The following TCEA1 variants were observed in gnomAD, a reference collection of about 807,000 sequenced individuals.
TCEA1 encodes transcription elongation factor A1.
A neutral mutation model predicts 43.8 loss-of-function variants in TCEA1; 21 were observed. The ratio of observed to expected loss-of-function variants is 0.48; its 90% CI spans 0.34 to 0.69. TCEA1 has a LOEUF of 0.69. TCEA1 is among the 30% of genes least tolerant of loss of function. The pLI, the probability that TCEA1 is intolerant of heterozygous loss-of-function variation, is 0.01. For missense variants in TCEA1, 250 were observed against 365.1 expected, an observed-to-expected ratio of 0.68 and a Z score of 2.57; for synonymous variants, 104 against 117.5, an observed-to-expected ratio of 0.88 and a Z score of 0.75.
intron 7 of TCEA1, among the ~76,000 whole-genome samples, chr8:53,982,193 C>T (rs1174786140): frequency 6.6e-6 from 1 of 151,920 alleles, no homozygotes. Flanking sequence ...TCCTAGATGC[C>T]ATTAGGAACA....
intron 2 of TCEA1, among the ~76,000 whole-genome samples, chr8:54,006,573 TA>T (rs1804468409): frequency 6.6e-6 from 1 of 152,206 alleles, no homozygotes; most frequent in Non-Finnish European, 1.5e-5. Context: ...TCATAAATAT[TA>T]ACCCTATCCA....
At chr8:53,985,897 C>T (rs942451700) in intron 6 of TCEA1, among the ~76,000 whole-genome samples, 3 of 152,218 alleles carry the variant, frequency 2.0e-5, no homozygotes, top group Non-Finnish European at 2.9e-5. Flanking sequence ...ACACTACAGT[C>T]TCAATCTACA....
chr8:54,022,209 C>T lies in TCEA1; in HGVS notation c.-84G>A, dbSNP rs1037886264. 30 of 1,457,508 alleles carry T rather than the reference C, an allele frequency of 2.1e-5. No individual in the cohort carries two copies. The highest frequency in any genetic ancestry group is 2.7e-5 in the Non-Finnish European group (28 of 1,049,568). 90.3% of individuals were successfully genotyped at this position (1,457,508 alleles called of 1,614,324 possible). ...GAGCGGAAGACACAGCAGGAGCGAC[C>T]CCCGGCGCGCAGCAACCCCCACCAC... On this transcript the variant is annotated 5_prime_UTR_variant, in exon 1 of 10. Coordinates refer to ENST00000521604, the MANE Select transcript of TCEA1 (RefSeq NM_006756.4).
chr8:53,979,013 A>C lies in TCEA1; in HGVS notation c.825+12T>G. On this transcript the variant is annotated intron_variant, in intron 8 of 9. Coordinates refer to ENST00000521604, the MANE Select transcript of TCEA1 (RefSeq NM_006756.4). ...TTTATATAAAAATAAGAATCTATAA[A>C]CAATCACAAACCTGTGTGTAAGTGC... 6.3e-7 allele frequency: 1 copy of C among 1,593,946 alleles called. No individual in the cohort carries two copies. Among genetic ancestry groups the C allele is most frequent in the South Asian group, 1.1e-5 (1 of 87,884 alleles).
chr8:54,018,856 T>C (rs1405771362), intron 1 of TCEA1, among the ~76,000 whole-genome samples: 1 of 152,188 alleles, frequency 6.6e-6, no homozygotes, highest in Non-Finnish European at 1.5e-5. Context: ...ATTGTATCCA[T>C]GCATGGTTCA....
intron 2 of TCEA1, among the ~76,000 whole-genome samples, 185 bp from the exon 3 acceptor site, chr8:54,000,235 C>G (rs1183793153): frequency 6.6e-6 from 1 of 152,140 alleles, no homozygotes; most frequent in Non-Finnish European, 1.5e-5. Flanking sequence ...ACACTAGACT[C>G]ATTAATGTTC....
chr8:54,006,506 G>C (rs1225132016), intron 2 of TCEA1, among the ~76,000 whole-genome samples: 3 of 152,090 alleles, frequency 2.0e-5, no homozygotes, highest in Admixed American at 6.6e-5. Context: ...TCGAATGTTT[G>C]TTATATAAAT....
chr8:53,974,676 C>T (rs532223007), intron 8 of TCEA1, among the ~76,000 whole-genome samples: 3 of 152,088 alleles, frequency 2.0e-5, no homozygotes, highest in Admixed American at 6.6e-5. Context: ...TACAGGCAAG[C>T]GCCAACACGC....
At chr8:53,969,616 G>A (rs146180191) in intron 9 of TCEA1, among the ~76,000 whole-genome samples, 352 of 152,050 alleles carry the variant, frequency 2.3e-3, no homozygotes, top group African/African-American at 8.1e-3. Flanking sequence ...ATCACAATCC[G>A]AAATGTAGGT....
chr8:54,018,198 C>T (rs1310103652), intron 1 of TCEA1, among the ~76,000 whole-genome samples: 6 of 152,148 alleles, frequency 3.9e-5, no homozygotes, highest in Non-Finnish European at 8.8e-5. Flanking sequence ...CCAGCTCCTA[C>T]GAAATTCTAA....
At chr8:54,009,251 T>C (rs1461719728) in intron 2 of TCEA1, among the ~76,000 whole-genome samples, 1 of 151,696 alleles carries the variant, frequency 6.6e-6, no homozygotes, top group Non-Finnish European at 1.5e-5. Flanking sequence ...GCACAGCCAC[T>C]GTATAAAACA....
intron 1 of TCEA1, among the ~76,000 whole-genome samples, chr8:54,012,465 C>T (rs1393685278): frequency 6.6e-6 from 1 of 152,122 alleles, no homozygotes; most frequent in Non-Finnish European, 1.5e-5. Flanking sequence ...GAGACTGAGG[C>T]AGAGAGCTGC....
intron 1 of TCEA1, among the ~76,000 whole-genome samples, chr8:54,015,035 TA>T (rs541633113): frequency 3.3e-5 from 5 of 152,232 alleles, no homozygotes; most frequent in Non-Finnish European, 7.4e-5. Context: ...ACCATAACAA[TA>T]ATCTCCAGGG....
At chr8:54,014,493 T>C (rs980945150) in intron 1 of TCEA1, among the ~76,000 whole-genome samples, 11 of 152,194 alleles carry the variant, frequency 7.2e-5, no homozygotes, top group East Asian at 1.9e-4. Context: ...TCTATGAGAT[T>C]GTAGCATCTC....
intron 6 of TCEA1, among the ~76,000 whole-genome samples, chr8:53,986,154 TAGC>T (rs1238483872): frequency 6.6e-6 from 1 of 152,202 alleles, no homozygotes; most frequent in Non-Finnish European, 1.5e-5. Context: ...TTCTGGCTGG[TAGC>T]AGAAGTAATA....
At chr8:54,011,543 C>T (rs1444110444) in intron 1 of TCEA1, among the ~76,000 whole-genome samples, 1 of 152,214 alleles carries the variant, frequency 6.6e-6, no homozygotes, top group Non-Finnish European at 1.5e-5. Flanking sequence ...ATTACAATGG[C>T]CATCTGGCCA....
rs747091310 is a variant in TCEA1 at position 53,988,212 on chromosome 8, C to T, written c.368G>A (p.Arg123Gln). Residue 123 changes from arginine to glutamine, a missense_variant, in exon 5 of 10, where the codon CGA (arginine) becomes CAA (glutamine). Physicochemically the swap from Arg to Gln is conservative, Grantham distance 43. Coordinates refer to ENST00000521604, the MANE Select transcript of TCEA1 (RefSeq NM_006756.4). The stretch of plus-strand genomic sequence containing the variant: ...AGGAAAGGATGAAACATAAGTATCT[C>T]GAGCATTTGTCTCATCCTTTCTGTT... ...VSNRKDETNA[R>Q]DTYVSSFPRA... The T allele has an allele frequency of 2.5e-6, 4 of 1,613,410 alleles. No homozygotes were observed. Among genetic ancestry groups the T allele is most frequent in the Non-Finnish European group, 3.4e-6 (4 of 1,179,676 alleles).
chr8:54,019,710 A>C (rs1264819029), intron 1 of TCEA1, among the ~76,000 whole-genome samples: 1 of 152,222 alleles, frequency 6.6e-6, no homozygotes, highest in Non-Finnish European at 1.5e-5. Context: ...GAATTACTGA[A>C]CACTTAAAAA....
chr8:53,989,262 C>T (rs960827260), intron 4 of TCEA1, among the ~76,000 whole-genome samples: 8 of 152,136 alleles, frequency 5.3e-5, no homozygotes, highest in Non-Finnish European at 1.0e-4. Flanking sequence ...CTTTCAATTG[C>T]TTCTGAGTAG....
Sources: allele counts gnomAD v4.1 joint callset (sites outside exome capture counted in the v4.1 genomes callset), GRCh38; gene constraint gnomAD v4.1.1; transcripts MANE v1.5; gene names NCBI Gene and HGNC (gene_info 2026-07-23, HGNC 2026-07-21).